CSMD1: variants seen among roughly 807,000 people sequenced by gnomAD.
CSMD1 encodes the protein CUB and sushi domain-containing protein 1.
In CSMD1, 213 loss-of-function variants were observed where a neutral mutation model predicts 417.5. The ratio of observed to expected loss-of-function variants is 0.51; its 90% CI spans 0.46 to 0.57. The LOEUF (loss-of-function observed/expected upper bound fraction) is 0.57. CSMD1 is among the 20% of genes least tolerant of loss of function. CSMD1 has a pLI of 0.00. For synonymous variants in CSMD1, 2,862 were observed against 1,736.8 expected (o/e 1.65, Z -16.11); for missense variants, 6,923 against 4,529.7 (o/e 1.53, Z -15.17).
chr8:4,081,526 C>A (rs1222119940), intron 3 of CSMD1, among the ~76,000 whole-genome samples: 1 of 152,150 alleles, frequency 6.6e-6, no homozygotes, highest in Non-Finnish European at 1.5e-5. Context: ...GTCCCCCTAC[C>A]AACCACCGGA....
rs73658421 is a variant in CSMD1, at chr8:4,172,016, C to T, written c.416-139917G>A. Among the ~76,000 whole-genome samples the T allele has an allele frequency of 7.0e-3, 1,059 of 152,200 alleles. 17 individuals are homozygous for T. The highest frequency in any genetic ancestry group is 0.025 in the African/African-American group (1,021 of 41,498). ...ACGGTTTAATACCACCAAAGCAGCA[C>T]ATAATATTTTCAAATAAAAGGAAAC... On this transcript the variant is annotated intron_variant, in intron 3 of 69. Coordinates refer to ENST00000635120, the MANE Select transcript of CSMD1 (RefSeq NM_033225.6).
At chr8:4,835,343 G>C (rs117194732) in intron 1 of CSMD1, among the ~76,000 whole-genome samples, 1 of 152,196 alleles carries the variant, frequency 6.6e-6, no homozygotes, top group Non-Finnish European at 1.5e-5. Flanking sequence ...TCAATGCAAA[G>C]AGGTAATATT....
At chr8:4,447,789 G>A (rs933003379) in intron 2 of CSMD1, among the ~76,000 whole-genome samples, 4 of 152,138 alleles carry the variant, frequency 2.6e-5, no homozygotes, top group African/African-American at 9.7e-5. Context: ...AAAAGGAGAA[G>A]AAAATAAACG....
At chr8:3,158,716 G>A (rs1819693079) in intron 38 of CSMD1, among the ~76,000 whole-genome samples, 1 of 151,774 alleles carries the variant, frequency 6.6e-6, no homozygotes, top group African/African-American at 2.4e-5. Flanking sequence ...AAAGAGAGGT[G>A]ATCCATGAGA....
Position 3,355,787 on chromosome 8 carries a change from T to C in CSMD1, c.3304+3365A>G, listed in dbSNP as rs189337193. Among the ~76,000 whole-genome samples the C allele has an allele frequency of 3.3e-5, 5 of 152,268 alleles. No homozygotes were observed. In the East Asian group the frequency reaches 9.6e-4, roughly 29 times the overall value. The stretch of plus-strand genomic sequence containing the variant: ...TTTACATCACCTTACCAATAAACTT[T>C]CATTTTGACTTAAGCCAATGTGGGC... On this transcript the variant is annotated intron_variant, in intron 21 of 69. Coordinates refer to ENST00000635120, the MANE Select transcript of CSMD1 (RefSeq NM_033225.6).
chr8:3,428,175 T>C (rs527691593), intron 12 of CSMD1, among the ~76,000 whole-genome samples: 8 of 152,182 alleles, frequency 5.3e-5, no homozygotes, highest in African/African-American at 1.4e-4. Context: ...AACTATATGG[T>C]TGGGGACCTA....
chr8:3,961,327 G>T (rs1812305530), intron 5 of CSMD1, among the ~76,000 whole-genome samples: 1 of 152,128 alleles, frequency 6.6e-6, no homozygotes, highest in Non-Finnish European at 1.5e-5. Flanking sequence ...TTCAATTAAG[G>T]AAACATTTTT....
chr8:4,149,316 G>C (rs1260169632), intron 3 of CSMD1, among the ~76,000 whole-genome samples: 1 of 152,086 alleles, frequency 6.6e-6, no homozygotes, highest in African/African-American at 2.4e-5. Flanking sequence ...CATATTCACT[G>C]AGAATTTTTA....
intron 2 of CSMD1, among the ~76,000 whole-genome samples, chr8:4,615,456 C>T (rs932783898): frequency 6.6e-6 from 1 of 152,120 alleles, no homozygotes; most frequent in Non-Finnish European, 1.5e-5. Flanking sequence ...AGACCAATTT[C>T]CTCATTGATT....
intron 3 of CSMD1, among the ~76,000 whole-genome samples, chr8:4,142,542 T>A (rs1317768839): frequency 6.6e-6 from 1 of 151,336 alleles, no homozygotes; most frequent in Non-Finnish European, 1.5e-5. Flanking sequence ...AGCAACATGT[T>A]CAGACACTAA....
intron 5 of CSMD1, among the ~76,000 whole-genome samples, chr8:3,912,053 C>T (rs998850768): frequency 1.3e-5 from 2 of 152,124 alleles, no homozygotes; most frequent in African/African-American, 4.8e-5. Flanking sequence ...CTTTAACCAC[C>T]TTTTATATTT....
intron 1 of CSMD1, among the ~76,000 whole-genome samples, chr8:4,814,630 G>A (rs1007381883): frequency 1.3e-5 from 2 of 152,074 alleles, no homozygotes; most frequent in African/African-American, 2.4e-5. Flanking sequence ...TTGATCAAGG[G>A]TCTTCATGTG....
chr8:4,329,954 G>A (rs1157715617), intron 3 of CSMD1, among the ~76,000 whole-genome samples: 1 of 151,908 alleles, frequency 6.6e-6, no homozygotes, highest in Non-Finnish European at 1.5e-5. Context: ...GCCATGACTG[G>A]AAGCTCCCTG....
intron 3 of CSMD1, among the ~76,000 whole-genome samples, chr8:4,153,605 C>G (rs1796680808): frequency 6.6e-6 from 1 of 152,186 alleles, no homozygotes; most frequent in South Asian, 2.1e-4. Flanking sequence ...CCTGAGATGT[C>G]CCTGCTCTGT....
At chr8:4,674,106 A>C (rs1331247123) in intron 1 of CSMD1, among the ~76,000 whole-genome samples, 2 of 152,224 alleles carry the variant, frequency 1.3e-5, no homozygotes, top group Non-Finnish European at 2.9e-5. Flanking sequence ...TATATAAACC[A>C]GATTCAAACA....
rs1245198357 is a variant in CSMD1, at chr8:3,284,223, G to C, written c.4074C>G (p.His1358Gln). 2 of 1,612,498 alleles carry C rather than the reference G, an allele frequency of 1.2e-6. No individual in the cohort carries two copies. Among genetic ancestry groups the C allele is most frequent in the Admixed American group, 1.7e-5 (1 of 59,808 alleles). The change falls in exon 26 of 70, where the codon CAC becomes CAG. Residue 1358 changes from histidine (H) to glutamine (Q), a missense_variant. His to Gln is a conservative substitution (Grantham distance 24, BLOSUM62 0). Coordinates refer to ENST00000635120, the MANE Select transcript of CSMD1 (RefSeq NM_033225.6). ...WSGSALPEDIHSTFNSLTLQF... is the reference protein window; with the variant it reads ...WSGSALPEDIQSTFNSLTLQF... ...GCAGGGTGAGTGAGTTGAAGGTGCTGTGGATGTCCTCCGGAAGGGCGGAGC... is the reference window on the plus strand; with the variant it reads ...GCAGGGTGAGTGAGTTGAAGGTGCTCTGGATGTCCTCCGGAAGGGCGGAGC...
At chr8:4,284,167 A>G (rs980407473) in intron 3 of CSMD1, among the ~76,000 whole-genome samples, 7 of 152,212 alleles carry the variant, frequency 4.6e-5, no homozygotes, top group Non-Finnish European at 1.0e-4. Context: ...CAGGAGTTCC[A>G]GACTAGGCTG....
chr8:3,721,479 G>A (rs532502010), intron 6 of CSMD1, among the ~76,000 whole-genome samples: 21 of 152,162 alleles, frequency 1.4e-4, no homozygotes, highest in African/African-American at 3.6e-4. Flanking sequence ...GTTTAACATC[G>A]GTCACTAAGA....
At chr8:3,637,129 TC>T (rs1797090254) in intron 7 of CSMD1, among the ~76,000 whole-genome samples, 1 of 152,202 alleles carries the variant, frequency 6.6e-6, no homozygotes, top group Non-Finnish European at 1.5e-5. Flanking sequence ...TTATAAATTA[TC>T]CCGTTTGTGC....
Sources: gnomAD v4.1 joint callset for allele counts (sites outside exome capture counted in the v4.1 genomes callset) on GRCh38, gnomAD v4.1.1 for gene constraint, MANE v1.5 for transcripts, NCBI Gene and HGNC (gene_info 2026-07-23, HGNC 2026-07-21) for gene names.